GALNT13: variants seen among roughly 807,000 people sequenced by gnomAD.
GALNT13 encodes the protein polypeptide N-acetylgalactosaminyltransferase 13.
GALNT13 carries 28 observed loss-of-function variants against 64.2 expected under a neutral mutation model. The observed-to-expected ratio is 0.44, with a 90% CI of 0.32 to 0.60. GALNT13 has a LOEUF of 0.60. Among genes scored for constraint, GALNT13 ranks in the 20% least tolerant of loss-of-function variants. The pLI, the probability that GALNT13 is intolerant of heterozygous loss-of-function variation, is 0.05. For synonymous variants in GALNT13, 214 were observed against 224.6 expected, an observed-to-expected ratio of 0.95 and a Z score of 0.42; for missense variants, 577 against 669.8, an observed-to-expected ratio of 0.86 and a Z score of 1.53.
At chr2:153,349,969 T>G in the GALNT13 span, among the ~76,000 whole-genome samples, 3 of 152,202 alleles carry the variant, frequency 2.0e-5, no homozygotes, top group Non-Finnish European at 4.4e-5. Flanking sequence ...TAAATCCTAG[T>G]TGCTTCATGA....
the GALNT13 span, among the ~76,000 whole-genome samples, chr2:153,188,194 A>G: frequency 7.0e-4 from 106 of 152,116 alleles, no homozygotes; most frequent in African/African-American, 2.3e-3. Flanking sequence ...TAATTTCCTC[A>G]AACTGAACTG....
intron 3 of GALNT13, among the ~76,000 whole-genome samples, chr2:154,065,653 A>G (rs1169448498): frequency 6.6e-6 from 1 of 152,200 alleles, no homozygotes; most frequent in Non-Finnish European, 1.5e-5. Flanking sequence ...CCATAGCATT[A>G]CTGGGTTTGG....
intron 8 of GALNT13, among the ~76,000 whole-genome samples, chr2:154,279,495 A>G (rs898668953): frequency 6.6e-6 from 1 of 152,184 alleles, no homozygotes; most frequent in South Asian, 2.1e-4. Flanking sequence ...ATGGAGCTTG[A>G]TAACAGGTGA....
intron 1 of GALNT13, among the ~76,000 whole-genome samples, chr2:153,887,896 A>G (rs889685082): frequency 2.6e-5 from 4 of 152,090 alleles, no homozygotes; most frequent in Admixed American, 2.0e-4. Context: ...AATGAAAAAG[A>G]TGAAACATTG....
the GALNT13 span, among the ~76,000 whole-genome samples, chr2:153,200,876 C>A: frequency 3.9e-5 from 6 of 152,178 alleles, no homozygotes; most frequent in East Asian, 1.2e-3. Flanking sequence ...GGTTTTGTTT[C>A]TCCTGAAGGC....
At chr2:153,325,829 A>G in the GALNT13 span, among the ~76,000 whole-genome samples, 1 of 152,168 alleles carries the variant, frequency 6.6e-6, no homozygotes, top group Non-Finnish European at 1.5e-5. Context: ...CTTAATCCTG[A>G]GTTCTAATTT....
intron 3 of GALNT13, among the ~76,000 whole-genome samples, chr2:153,990,573 G>A (rs1272125543): frequency 1.3e-5 from 2 of 152,128 alleles, no homozygotes; most frequent in African/African-American, 2.4e-5. Flanking sequence ...AGGGAATTAC[G>A]CTCTTTGAGT....
chr2:153,712,395 T>C, the GALNT13 span, among the ~76,000 whole-genome samples: 35,773 of 152,020 alleles, frequency 0.24, 5,525 homozygotes, highest in Middle Eastern at 0.41. Context: ...CCAACATCAC[T>C]CCCTTCTTGC....
the GALNT13 span, among the ~76,000 whole-genome samples, chr2:153,415,379 G>A: frequency 6.6e-6 from 1 of 152,160 alleles, no homozygotes; most frequent in East Asian, 1.9e-4. Flanking sequence ...AGGAGTAAAT[G>A]CATTTTAGGT....
the GALNT13 span, among the ~76,000 whole-genome samples, chr2:153,801,096 G>A: frequency 6.6e-6 from 1 of 152,108 alleles, no homozygotes; most frequent in Non-Finnish European, 1.5e-5. Flanking sequence ...AAGAGAGTTA[G>A]GGCTGTGTTC....
upstream of GALNT13, among the ~76,000 whole-genome samples, chr2:153,867,377 A>C (rs1359384781): frequency 7.6e-6 from 1 of 130,920 alleles, no homozygotes; most frequent in African/African-American, 2.7e-5. Flanking sequence ...CATATCTATA[A>C]ACTATTTGTG....
chr2:153,651,261 T>G, the GALNT13 span, among the ~76,000 whole-genome samples: 1 of 152,068 alleles, frequency 6.6e-6, no homozygotes, highest in Non-Finnish European at 1.5e-5. Flanking sequence ...GGACCAAAAG[T>G]GAGAATCAAA....
intron 3 of GALNT13, among the ~76,000 whole-genome samples, chr2:154,031,587 A>C (rs1015379917): frequency 2.6e-5 from 4 of 151,948 alleles, no homozygotes; most frequent in Non-Finnish European, 5.9e-5. Context: ...AGCATCAACC[A>C]AAAAAACTAG....
At chr2:153,892,390 T>C (rs1687611724) in intron 1 of GALNT13, among the ~76,000 whole-genome samples, 1 of 152,080 alleles carries the variant, frequency 6.6e-6, no homozygotes, top group Non-Finnish European at 1.5e-5. Flanking sequence ...CTTGCAATGA[T>C]AATCTCTACA....
chr2:153,207,210 T>A, the GALNT13 span, among the ~76,000 whole-genome samples: 3 of 152,114 alleles, frequency 2.0e-5, no homozygotes, highest in African/African-American at 7.2e-5. Context: ...AATGGAATAG[T>A]TTTCTCTAGA....
chr2:153,780,238 T>TGG, the GALNT13 span, among the ~76,000 whole-genome samples: 1 of 15,098 alleles, frequency 6.6e-5, no homozygotes, highest in Non-Finnish European at 4.2e-4. Flanking sequence ...TATATATATA[T>TGG]ATATATATAT....
the GALNT13 span, among the ~76,000 whole-genome samples, chr2:153,527,315 C>A: frequency 6.6e-6 from 1 of 152,086 alleles, no homozygotes; most frequent in Non-Finnish European, 1.5e-5. Flanking sequence ...GAATAACACA[C>A]AATAAAGCTC....
chr2:153,785,033 T>G, the GALNT13 span, among the ~76,000 whole-genome samples: 1 of 152,066 alleles, frequency 6.6e-6, no homozygotes, highest in South Asian at 2.1e-4. Flanking sequence ...AGGTGAGGTC[T>G]ACAACCACCC....
At chr2:153,237,044 G>A in the GALNT13 span, among the ~76,000 whole-genome samples, 1 of 152,056 alleles carries the variant, frequency 6.6e-6, no homozygotes. Flanking sequence ...AGACTTCAAT[G>A]GAGGAAGTAA....
Sources: allele counts gnomAD v4.1 joint callset (sites outside exome capture counted in the v4.1 genomes callset), GRCh38; gene constraint gnomAD v4.1.1; transcripts MANE v1.5; gene names NCBI Gene and HGNC (gene_info 2026-07-23, HGNC 2026-07-21).